Variants in LIPN observed in about 807,000 individuals in gnomAD.
LIPN encodes the protein lipase member N.
A neutral mutation model predicts 43.7 loss-of-function variants in LIPN; 32 were observed. That is an observed-to-expected ratio of 0.73 (90% confidence interval 0.55 to 0.98). The LOEUF is 0.98. LIPN is among the 50% of genes least tolerant of loss of function. LIPN has a pLI of 0.00. For missense variants in LIPN, 505 were observed against 483.8 expected (o/e 1.04, Z -0.41); for synonymous variants, 156 against 157.6 (o/e 0.99, Z 0.08).
chr10:88,767,480 T>C lies in LIPN; in HGVS notation c.535+1102T>C, dbSNP rs577100403. On this transcript the variant is annotated intron_variant, in intron 5 of 9. Transcript: ENST00000404459. The stretch of plus-strand genomic sequence containing the variant: ...CCCGAATGTTATTATCCCCATCTCA[T>C]AGAAGAAGAAACACAAGTTCAGAAC... 4.0e-5 allele frequency among the ~76,000 whole-genome samples: 6 copies of C among 151,558 alleles called. No homozygotes were observed. In the East Asian group the frequency reaches 9.8e-4, roughly 25 times the overall value.
chr10:88,764,662 A>T, intron 4 of LIPN, 54 bp downstream of exon 4: 1 of 1,288,120 alleles, frequency 7.8e-7, no homozygotes, highest in Non-Finnish European at 1.1e-6. Context: ...TTTAAAAAAA[A>T]TAACGTGGAC....
chr10:88,772,051 T>A (rs1354633993), intron 7 of LIPN, among the ~76,000 whole-genome samples: 3 of 151,860 alleles, frequency 2.0e-5, no homozygotes, highest in Non-Finnish European at 4.4e-5. Context: ...GCTATTTGTA[T>A]GTCTTCTTTT....
Position 88,764,419 on chromosome 10 carries a change from C to T in LIPN, c.236C>T (p.Pro79Leu). ...CCCTTTCCCCCACCAGGTCCCCGGC[C>T]AGTTGTGTATATGCAGCATGCCCTG... ...RTHARSTGPR[P>L]VVYMQHALFA... The change falls in exon 4 of 10, where the codon CCA becomes CTA. Residue 79 changes from proline to leucine, a missense_variant. Transcript: ENST00000404459. The T allele has an allele frequency of 6.2e-7, 1 of 1,609,702 alleles. No individual in the cohort carries two copies. Among genetic ancestry groups the T allele is most frequent in the East Asian group, 2.2e-5 (1 of 44,756 alleles).
chr10:88,764,369 T>C (rs760256839), intron 3 of LIPN, 41 bp from the exon 4 acceptor site: 5 of 1,471,316 alleles, frequency 3.4e-6, no homozygotes, highest in Non-Finnish European at 3.8e-6. Context: ...CTCTCTCTCT[T>C]TCTCTTTCTC....
upstream of LIPN, among the ~76,000 whole-genome samples, chr10:88,757,617 CAG>C (rs1176619790): frequency 3.3e-5 from 5 of 152,072 alleles, no homozygotes; most frequent in East Asian, 1.9e-4. Flanking sequence ...GTCACTGAAA[CAG>C]AGATTCATTT....
upstream of LIPN, among the ~76,000 whole-genome samples, chr10:88,759,945 C>T (rs971708469): frequency 6.6e-6 from 1 of 152,094 alleles, no homozygotes; most frequent in Non-Finnish European, 1.5e-5. Context: ...GTGTCTCAGT[C>T]TAAAGCTTCC....
intron 7 of LIPN, 121 bp downstream of exon 7, chr10:88,771,112 ATT>A: frequency 1.2e-6 from 1 of 823,626 alleles, no homozygotes; most frequent in Non-Finnish European, 1.8e-6. Context: ...TTAAAGACAG[ATT>A]TTTTTTTGCT....
At chr10:88,777,892 C>A in intron 9 of LIPN, 117 bp from the exon 10 acceptor site, 2 of 611,472 alleles carry the variant, frequency 3.3e-6, no homozygotes, top group South Asian at 4.8e-5. Flanking sequence ...ATGTTTTCTT[C>A]ATATGTTGCT....
rs1842989275 is a variant in LIPN at position 88,761,154 on chromosome 10, C to T, written c.-8-244C>T. Reference sequence around the variant, plus strand: ...TTGATTAAAATAAGACCAAAAATGCCTCCATACTTGATTAAATTTATTTCA... The same window carrying T: ...TTGATTAAAATAAGACCAAAAATGCTTCCATACTTGATTAAATTTATTTCA... On this transcript the variant is annotated intron_variant, in intron 1 of 9. Coordinates refer to ENST00000404459, the MANE Select transcript of LIPN (RefSeq NM_001102469.2). Among the ~76,000 whole-genome samples the T allele has an allele frequency of 2.0e-5, 3 of 152,030 alleles. 1 individual carries two copies. The South Asian group carries it at 6.2e-4, about 32-fold the overall frequency.
chr10:88,764,373 C>T, intron 3 of LIPN, 37 bp from the exon 4 acceptor site: 1 of 1,503,976 alleles, frequency 6.6e-7, no homozygotes, highest in South Asian at 1.2e-5. Context: ...CTCTCTTTCT[C>T]TTTCTCCCTC....
chr10:88,758,203 A>G (rs577954550), upstream of LIPN, among the ~76,000 whole-genome samples: 25 of 152,232 alleles, frequency 1.6e-4, no homozygotes, highest in South Asian at 4.6e-3. Context: ...TCAAGGATCT[A>G]TGTTCAACCA....
At chr10:88,757,856 A>G (rs1169554560), upstream of LIPN, among the ~76,000 whole-genome samples, 1 of 152,168 alleles carries the variant, frequency 6.6e-6, no homozygotes, top group Non-Finnish European at 1.5e-5. Context: ...TTTGAATTTT[A>G]GGATGCAAAA....
intron 4 of LIPN, among the ~76,000 whole-genome samples, chr10:88,765,860 A>T (rs1814802030): frequency 6.6e-6 from 1 of 151,926 alleles, no homozygotes; most frequent in African/African-American, 2.4e-5. Context: ...AAAGGCCATA[A>T]ATAGTAGAAT....
At chr10:88,757,293 A>G (rs1178489913), upstream of LIPN, among the ~76,000 whole-genome samples, 1 of 152,154 alleles carries the variant, frequency 6.6e-6, no homozygotes, top group African/African-American at 2.4e-5. Flanking sequence ...CTCATATTCA[A>G]TGGTATGGCC....
At chr10:88,771,015 A>G in intron 7 of LIPN, 24 bp downstream of exon 7, 1 of 1,528,388 alleles carries the variant, frequency 6.5e-7, no homozygotes, top group Non-Finnish European at 8.8e-7. Flanking sequence ...TTATAGGGCC[A>G]TTTGATACCT....
chr10:88,778,349 T>C lies in LIPN; in HGVS notation c.*107T>C. 4.2e-6 allele frequency: 3 copies of C among 713,576 alleles called. No individual in the cohort carries two copies. The highest frequency in any genetic ancestry group is 7.0e-6 in the Non-Finnish European group (3 of 427,450). The allele number at this position is 713,576 out of a possible 1,614,324, so 44.2% of individuals were successfully genotyped here. A position where few individuals can be genotyped will look rare whatever the true frequency, so the allele number is the denominator to read the frequency against. On this transcript the variant is annotated 3_prime_UTR_variant, in exon 10 of 10. Coordinates refer to ENST00000404459, the MANE Select transcript of LIPN (RefSeq NM_001102469.2). ...TTGTCCCCCAGCACCCTGGGGGAGA[T>C]GCACAGTGGAGTCTGTTTTCCAAGT...
rs753188283 is a variant in LIPN at position 88,766,574 on chromosome 10, C to G, written c.535+196C>G. Among the ~76,000 whole-genome samples the G allele has an allele frequency of 2.6e-5, 4 of 151,938 alleles. 1 individual carries two copies. Among genetic ancestry groups the G allele is most frequent in the Non-Finnish European group, 5.9e-5 (4 of 67,936 alleles). ...TGCACAGACTATATGTAGGGCAAACCTTTCCTGGGTCTCTGGTCACAGCAG... is the reference window on the plus strand; with the variant it reads ...TGCACAGACTATATGTAGGGCAAACGTTTCCTGGGTCTCTGGTCACAGCAG... On this transcript the variant is annotated intron_variant, in intron 5 of 9. Coordinates refer to ENST00000404459, the MANE Select transcript of LIPN (RefSeq NM_001102469.2).
At chr10:88,774,569 A>T in intron 8 of LIPN, 25 bp downstream of exon 8, 1 of 1,557,192 alleles carries the variant, frequency 6.4e-7, no homozygotes, top group South Asian at 1.1e-5. Context: ...ATGGAAAACC[A>T]TTCCAATCCT....
At chr10:88,768,681 C>T in intron 5 of LIPN, 111 bp from the exon 6 acceptor site, 1 of 758,800 alleles carries the variant, frequency 1.3e-6, no homozygotes, top group Non-Finnish European at 2.1e-6. Flanking sequence ...CAATTCATCC[C>T]CAGTATGATC....
Sources: allele counts gnomAD v4.1 joint callset (sites outside exome capture counted in the v4.1 genomes callset), GRCh38; gene constraint gnomAD v4.1.1; transcripts MANE v1.5; gene names NCBI Gene and HGNC (gene_info 2026-07-23, HGNC 2026-07-21).